The following CBL variants were observed in gnomAD, a reference collection of about 807,000 sequenced individuals.
CBL encodes Cbl proto-oncogene.
Under a neutral mutation model 96.9 loss-of-function variants are expected in CBL, and 45 were observed. That is an observed-to-expected ratio of 0.46 (90% CI 0.37 to 0.60). The LOEUF is 0.60. Among genes scored for constraint, CBL ranks in the 20% least tolerant of loss-of-function variants. The pLI, the probability that CBL is intolerant of heterozygous loss-of-function variation, is 0.00. For synonymous variants in CBL, 420 were observed against 426.8 expected (o/e 0.98, Z 0.20); for missense variants, 1,024 against 1,143.5 (o/e 0.90, Z 1.51).
chr11:119,215,702 C>A (rs1592369164), intron 1 of CBL, among the ~76,000 whole-genome samples: 1 of 151,726 alleles, frequency 6.6e-6, no homozygotes, highest in East Asian at 1.9e-4. Context: ...TGGCATGCGC[C>A]TGTAATCCCA....
chr11:119,206,424 G>A lies in CBL; in HGVS notation c.7G>A (p.Gly3Ser), dbSNP rs1949268770. Residue 3 changes from glycine to serine, a missense_variant, in exon 1 of 16, where the codon GGC becomes AGC. Around this residue, in one of 4 missense-constraint regions of CBL, gnomAD observed 114 missense variants for 117.4 expected, o/e 0.97. Transcript: ENST00000264033. ...CTCCGACCCTGCCCAGGCCATGGCC[G>A]GCAACGTGAAGAAGAGCTCTGGGGC... MA[G>S]NVKKSSGAGG... 3 of 1,564,738 alleles carry A rather than the reference G, an allele frequency of 1.9e-6. No homozygotes were observed. The highest frequency in any genetic ancestry group is 1.8e-5 in the Admixed American group (1 of 54,072).
At chr11:119,225,809 C>T (rs1399419568) in intron 1 of CBL, among the ~76,000 whole-genome samples, 1 of 144,030 alleles carries the variant, frequency 6.9e-6, no homozygotes, top group Non-Finnish European at 1.5e-5. Flanking sequence ...CTCGCTGCAA[C>T]CTCCGCCTCC....
chr11:119,299,613 C>G lies in CBL; in HGVS notation c.2553C>G (p.Ala851=). ...GTAGTGGTCCTGCCGCCTCTGCTGC[C>G]ACCGCCTCACCTCAGCTCTCCAGTG... ...QQGSGPAASA[A]TASPQLSSEI... The change falls in exon 16 of 16, where the codon GCC becomes GCG. Residue 851 remains alanine (A), a synonymous_variant. Transcript: ENST00000264033. The G allele has an allele frequency of 6.2e-7, 1 of 1,614,212 alleles. No individual in the cohort carries two copies. Among genetic ancestry groups the G allele is most frequent in the Non-Finnish European group, 8.5e-7 (1 of 1,180,028 alleles).
At chr11:119,273,176 T>C (rs1466912118) in intron 3 of CBL, among the ~76,000 whole-genome samples, 3 of 152,156 alleles carry the variant, frequency 2.0e-5, no homozygotes, top group Non-Finnish European at 4.4e-5. Context: ...CAGGCTGGTC[T>C]CGAAGTCCTG....
At chr11:119,244,607 AG>A (rs1949611935) in intron 2 of CBL, among the ~76,000 whole-genome samples, 1 of 66,246 alleles carries the variant, frequency 1.5e-5, no homozygotes, top group Admixed American at 1.2e-4. Context: ...TTTGAGACGG[AG>A]TCTCGCTCTG....
At chr11:119,281,634 A>G (rs951752341) in intron 9 of CBL, among the ~76,000 whole-genome samples, 3 of 151,558 alleles carry the variant, frequency 2.0e-5, no homozygotes, top group African/African-American at 7.3e-5. Context: ...AGCTGGGACT[A>G]CAGGCGCCTG....
Position 119,297,396 on chromosome 11 carries a change from C to T in CBL, c.2166C>T (p.Cys722=), listed in dbSNP as rs778691205. Residue 722 remains cysteine (C), a synonymous_variant, in exon 14 of 16, where the codon TGC becomes TGT. Transcript: ENST00000264033. ...CCTTCTGGTTCAGAGCATGTGATTG[C>T]GACCAGCAGATTGATAGCTGTACGT... is the stretch of plus-strand genomic sequence containing the variant. ...DTSQSSRACD[C]DQQIDSCTYE... 6.8e-6 allele frequency: 11 copies of T among 1,612,592 alleles called. No homozygotes were observed. Among genetic ancestry groups the T allele is most frequent in the Middle Eastern group, 1.6e-4 (1 of 6,084 alleles).
chr11:119,232,730 G>A, intron 2 of CBL, 35 bp downstream of exon 2: 3 of 1,599,266 alleles, frequency 1.9e-6, no homozygotes, highest in South Asian at 1.1e-5. Context: ...AATTATGCAG[G>A]TCTGTGACTG....
chr11:119,231,055 A>G (rs1031310982), intron 1 of CBL, among the ~76,000 whole-genome samples: 3 of 152,172 alleles, frequency 2.0e-5, no homozygotes, highest in African/African-American at 4.8e-5. Context: ...TCTCAGCTCT[A>G]TGCTTTACTG....
intron 2 of CBL, among the ~76,000 whole-genome samples, chr11:119,236,595 G>GTATATA (rs71048051): frequency 0.017 from 2,332 of 137,660 alleles, 31 homozygotes; most frequent in Middle Eastern, 0.027. Context: ...CTTCTTTTGA[G>GTATATA]TATATATATA....
intron 1 of CBL, among the ~76,000 whole-genome samples, chr11:119,231,640 G>C (rs1027399357): frequency 6.8e-6 from 1 of 147,220 alleles, no homozygotes; most frequent in African/African-American, 2.5e-5. Flanking sequence ...CCCGGGAGGC[G>C]GAGGTTGCGG....
chr11:119,233,957 C>CT (rs1216656317), intron 2 of CBL, among the ~76,000 whole-genome samples: 5 of 152,100 alleles, frequency 3.3e-5, no homozygotes, highest in African/African-American at 4.8e-5. Context: ...CAGGTGTAGT[C>CT]TGAGTAATGG....
At chr11:119,275,039 T>C (rs1949877928) in intron 5 of CBL, 86 bp downstream of exon 5, 2 of 1,463,632 alleles carry the variant, frequency 1.4e-6, no homozygotes, top group South Asian at 1.1e-5. Flanking sequence ...ATGACCTTAA[T>C]TAGTTTCGCA....
intron 6 of CBL, among the ~76,000 whole-genome samples, chr11:119,277,247 A>G (rs894870474): frequency 1.0e-3 from 158 of 150,952 alleles, no homozygotes; most frequent in African/African-American, 3.8e-3. Flanking sequence ...TCGCGCACAC[A>G]CACACACACA....
intron 2 of CBL, among the ~76,000 whole-genome samples, chr11:119,257,091 G>C (rs1204816323): frequency 1.3e-5 from 2 of 152,194 alleles, no homozygotes; most frequent in Non-Finnish European, 2.9e-5. Context: ...ATACCCAGTG[G>C]TGGGCTTGCT....
chr11:119,216,715 G>C (rs1283761120), intron 1 of CBL, among the ~76,000 whole-genome samples: 4 of 152,062 alleles, frequency 2.6e-5, no homozygotes, highest in Non-Finnish European at 5.9e-5. Flanking sequence ...AGCAATCTTT[G>C]AGAAAACCAA....
rs1950119136 is a variant in CBL, at chr11:119,304,112, C to T, written c.*4331C>T. On this transcript the variant is annotated 3_prime_UTR_variant, in exon 16 of 16. Coordinates refer to ENST00000264033, the MANE Select transcript of CBL (RefSeq NM_005188.4). ...CAGTCCCCTAATTGTCAGCCTTTAC[C>T]TCCCTCCCAGAGCAAGGAGTTTAGG... 4.3e-6 allele frequency: 1 copy of T among 233,594 alleles called. No homozygotes were observed. The highest frequency in any genetic ancestry group is 8.5e-6 in the Non-Finnish European group (1 of 118,058). The allele number at this position is 233,594 out of a possible 1,614,324, so 14.5% of individuals were successfully genotyped here. A position where few individuals can be genotyped will look rare whatever the true frequency, so the allele number is the denominator to read the frequency against.
chr11:119,255,800 CTATA>C (rs974492465), intron 2 of CBL, among the ~76,000 whole-genome samples: 3 of 151,756 alleles, frequency 2.0e-5, no homozygotes, highest in South Asian at 2.1e-4. Context: ...GAATGTATGT[CTATA>C]TATGAATGAT....
At chr11:119,297,709 C>CA (rs1591270162) in intron 14 of CBL, among the ~76,000 whole-genome samples, 2 of 152,198 alleles carry the variant, frequency 1.3e-5, no homozygotes, top group East Asian at 3.8e-4. Context: ...CCACCCCTCC[C>CA]AAAGTGCTGA....
Sources: allele counts gnomAD v4.1 joint callset (sites outside exome capture counted in the v4.1 genomes callset), GRCh38; gene constraint gnomAD v4.1.1; regional missense constraint gnomAD v4.1.1; transcripts MANE v1.5; gene names NCBI Gene and HGNC (gene_info 2026-07-23, HGNC 2026-07-21).